The following CLMN variants were observed in gnomAD, a reference collection of about 807,000 sequenced individuals.
CLMN encodes the protein calmin, also known as calmin (calponin-like, transmembrane).
Under a neutral mutation model 92.7 loss-of-function variants are expected in CLMN, and 57 were observed. That is an observed-to-expected ratio of 0.61 (90% CI 0.50 to 0.77). The LOEUF is 0.77. Ranked by LOEUF, CLMN falls within the 30% of genes least tolerant of loss-of-function variation. The pLI is 0.00. For missense variants in CLMN, 1,158 were observed against 1,237.5 expected, an observed-to-expected ratio of 0.94 and a Z score of 0.96; for synonymous variants, 466 against 470.6, an observed-to-expected ratio of 0.99 and a Z score of 0.13.
intron 1 of CLMN, among the ~76,000 whole-genome samples, chr14:95,252,923 T>C (rs1198678411): frequency 6.6e-6 from 1 of 152,156 alleles, no homozygotes; most frequent in African/African-American, 2.4e-5. Flanking sequence ...CTTGCTTGCA[T>C]TGATTTTAAT....
At chr14:95,307,115 G>C (rs573029664) in intron 1 of CLMN, among the ~76,000 whole-genome samples, 5 of 152,308 alleles carry the variant, frequency 3.3e-5, no homozygotes, top group African/African-American at 1.2e-4. Flanking sequence ...GAATGTTCTA[G>C]CAACCAGGAG....
In CLMN at chr14:95,267,760, G is replaced by A. The variant is rs553878376; in HGVS notation, c.83-37627C>T. Among the ~76,000 whole-genome samples, 8 of 152,164 alleles carry A rather than the reference G, an allele frequency of 5.3e-5. No homozygotes were observed. In the South Asian group the frequency reaches 1.5e-3, roughly 28 times the overall value. ...GCACTATTCACAATAGCCAAAATAT[G>A]GAATCAACCTACGTGCCCATCCACA... is the stretch of plus-strand genomic sequence containing the variant. On this transcript the variant is annotated intron_variant, in intron 1 of 12. Coordinates refer to ENST00000298912, the MANE Select transcript of CLMN (RefSeq NM_024734.4).
At chr14:95,285,995 T>C (rs776638045) in intron 1 of CLMN, among the ~76,000 whole-genome samples, 1 of 152,076 alleles carries the variant, frequency 6.6e-6, no homozygotes, top group Non-Finnish European at 1.5e-5. Flanking sequence ...CTCTGACCTA[T>C]GGGAAGTGGA....
intron 1 of CLMN, among the ~76,000 whole-genome samples, chr14:95,237,236 A>G (rs1050682638): frequency 3.3e-5 from 5 of 152,274 alleles, no homozygotes; most frequent in Non-Finnish European, 7.3e-5. Context: ...CATCACGGCC[A>G]TGCACAGAGG....
At chr14:95,231,529 C>T (rs1897889948) in intron 1 of CLMN, among the ~76,000 whole-genome samples, 1 of 152,182 alleles carries the variant, frequency 6.6e-6, no homozygotes, top group Non-Finnish European at 1.5e-5. Context: ...TTGAAAACAT[C>T]CCCCTCAGCA....
intron 1 of CLMN, among the ~76,000 whole-genome samples, chr14:95,299,032 T>C (rs1400035793): frequency 1.3e-5 from 2 of 152,254 alleles, no homozygotes; most frequent in East Asian, 3.8e-4. Context: ...TTCATTCATA[T>C]GTTTATTCAT....
intron 1 of CLMN, among the ~76,000 whole-genome samples, chr14:95,240,116 T>C (rs75413618): frequency 0.071 from 10,878 of 152,298 alleles, 526 homozygotes; most frequent in Non-Finnish European, 0.1. Flanking sequence ...CAGTTTTGTG[T>C]AAGCACACTC....
chr14:95,298,663 G>T (rs1437734621), intron 1 of CLMN, among the ~76,000 whole-genome samples: 3 of 152,214 alleles, frequency 2.0e-5, no homozygotes, highest in Admixed American at 1.3e-4. Context: ...CCTGTAACAG[G>T]AGTACATTCA....
At chr14:95,261,970 G>A (rs1566901721) in intron 1 of CLMN, among the ~76,000 whole-genome samples, 2 of 152,222 alleles carry the variant, frequency 1.3e-5, no homozygotes, top group Non-Finnish European at 2.9e-5. Context: ...TTTCCTCCAA[G>A]CGGCAGCTTG....
chr14:95,200,811 C>T (rs954857141), intron 9 of CLMN, among the ~76,000 whole-genome samples: 1 of 152,188 alleles, frequency 6.6e-6, no homozygotes, highest in African/African-American at 2.4e-5. Context: ...TAGTGCCCAA[C>T]AGGCAAAAGT....
chr14:95,193,874 C>T lies in CLMN; in HGVS notation c.2815G>A (p.Asp939Asn), dbSNP rs1305205001. 3 of 1,614,014 alleles carry T rather than the reference C, an allele frequency of 1.9e-6. No individual in the cohort carries two copies. In the African/African-American group the frequency reaches 4.0e-5, roughly 22 times the overall value. ...VQLRNAADLD[D>N]RRNRILTRKA... ...CTGGTTAATATTCGGTTTCTTCTGT[C>T]ATCCAGATCTGCTGCGTTCCTCAAC... The change falls in exon 12 of 13, where the codon GAC becomes AAC. Residue 939 changes from aspartate (D) to asparagine (N), a missense_variant. Transcript: ENST00000298912.
chr14:95,310,275 C>A (rs895181263), intron 1 of CLMN, among the ~76,000 whole-genome samples: 1 of 152,198 alleles, frequency 6.6e-6, no homozygotes, highest in East Asian at 1.9e-4. Context: ...AATGCAAAAA[C>A]GACCTAACAC....
intron 9 of CLMN, among the ~76,000 whole-genome samples, chr14:95,199,964 G>A (rs1187620): frequency 0.12 from 18,492 of 151,888 alleles, 1,583 homozygotes; most frequent in East Asian, 0.43. Flanking sequence ...TTTAGACTTT[G>A]TCCTGGATGC....
intron 6 of CLMN, 86 bp from the exon 7 acceptor site, chr14:95,210,965 GTT>G (rs990583466): frequency 5.7e-6 from 8 of 1,399,108 alleles, no homozygotes; most frequent in Admixed American, 2.7e-5. Flanking sequence ...AGCCGCGTGA[GTT>G]TTTGAGTGGG....
In CLMN at chr14:95,183,293, A is replaced by G. The variant is rs995313673; in HGVS notation, c.*8271T>C. Reference sequence around the variant, plus strand: ...CTAAATCCTTGCATGACATTTAGCAATACTGGCATTCTGGCACAGCATGGG... The same window carrying G: ...CTAAATCCTTGCATGACATTTAGCAGTACTGGCATTCTGGCACAGCATGGG... On this transcript the variant is annotated 3_prime_UTR_variant, in exon 13 of 13. Coordinates refer to ENST00000298912, the MANE Select transcript of CLMN (RefSeq NM_024734.4). 1.3e-5 allele frequency: 2 copies of G among 152,262 alleles called. No homozygotes were observed. Among genetic ancestry groups the G allele is most frequent in the Non-Finnish European group, 2.9e-5 (2 of 68,048 alleles). 9.4% of individuals were successfully genotyped at this position (152,262 alleles called of 1,614,324 possible).
Position 95,319,747 on chromosome 14 carries a change from C to G in CLMN, c.46G>C (p.Gly16Arg), listed in dbSNP as rs201470524. 1 of 1,598,140 alleles carries G rather than the reference C, an allele frequency of 6.3e-7. No individual in the cohort carries two copies. Among genetic ancestry groups the G allele is most frequent in the East Asian group, 2.3e-5 (1 of 43,780 alleles). Residue 16 changes from glycine to arginine, a missense_variant, in exon 1 of 13, where the codon GGG (glycine) becomes CGG (arginine). Transcript: ENST00000298912. Reference sequence around the variant, plus strand: ...TGCACTCGGATGTCGCTAATCTGCCCGATGAGCTCCTCGCGTTGGAACCAG... The same window carrying G: ...TGCACTCGGATGTCGCTAATCTGCCGGATGAGCTCCTCGCGTTGGAACCAG... ...WDWFQREELIGQISDIRVQNL... is the reference protein window; with the variant it reads ...WDWFQREELIRQISDIRVQNL...
chr14:95,298,573 T>G (rs2140773868), intron 1 of CLMN, among the ~76,000 whole-genome samples: 1 of 152,266 alleles, frequency 6.6e-6, no homozygotes, highest in East Asian at 1.9e-4. Flanking sequence ...AACACACAAT[T>G]TTTGTAATGA....
intron 1 of CLMN, among the ~76,000 whole-genome samples, chr14:95,285,859 T>C (rs989019443): frequency 1.3e-5 from 2 of 151,666 alleles, no homozygotes; most frequent in African/African-American, 4.8e-5. Context: ...GCATTGTTAA[T>C]CAACCACGGC....
At chr14:95,288,848 A>G (rs934384388) in intron 1 of CLMN, among the ~76,000 whole-genome samples, 2 of 152,242 alleles carry the variant, frequency 1.3e-5, no homozygotes, top group African/African-American at 4.8e-5. Context: ...GTACAGTCGC[A>G]CAAAGGAATA....
Sources: gnomAD v4.1 joint callset for allele counts (sites outside exome capture counted in the v4.1 genomes callset) on GRCh38, gnomAD v4.1.1 for gene constraint, MANE v1.5 for transcripts, NCBI Gene and HGNC (gene_info 2026-07-23, HGNC 2026-07-21) for gene names.